Variants in AZI2 observed in about 807,000 individuals in gnomAD.
The protein encoded by AZI2 is 5-azacytidine-induced protein 2.
Under a neutral mutation model 45.8 loss-of-function variants are expected in AZI2, and 22 were observed. That is an observed-to-expected ratio of 0.48 (90% CI 0.34 to 0.69). AZI2 has a LOEUF of 0.69. AZI2 is among the 30% of genes least tolerant of loss of function. The pLI is 0.01. For synonymous variants in AZI2, 137 were observed against 156.7 expected (o/e 0.87, Z 0.94); for missense variants, 417 against 441.5 (o/e 0.94, Z 0.50).
Position 28,329,726 on chromosome 3 carries a change from A to T in AZI2, c.647+2643T>A, listed in dbSNP as rs1455882230. On this transcript the variant is annotated intron_variant, in intron 6 of 7. Coordinates refer to ENST00000479665, the MANE Select transcript of AZI2 (RefSeq NM_022461.5). ...TAGAATTAAACTATGGGATATTCTT[A>T]GCCAAGAGTTATAGACTTAAAAGTG... Among the ~76,000 whole-genome samples the T allele has an allele frequency of 2.0e-5, 3 of 151,282 alleles. No individual in the cohort carries two copies. In the East Asian group the frequency reaches 5.8e-4, roughly 29 times the overall value.
intron 3 of AZI2, 32 bp downstream of exon 3, chr3:28,338,461 A>C (rs763707031): frequency 2.0e-6 from 3 of 1,498,538 alleles, no homozygotes; most frequent in Non-Finnish European, 2.7e-6. Flanking sequence ...CATTTCCAAA[A>C]TGCAGATGTC....
chr3:28,347,910 C>A (rs1234743317), intron 1 of AZI2, among the ~76,000 whole-genome samples: 1 of 152,292 alleles, frequency 6.6e-6, no homozygotes, highest in East Asian at 1.9e-4. Flanking sequence ...ACATAAGGCG[C>A]AAGGGTCAAT....
chr3:28,331,096 A>G (rs965855890), intron 6 of AZI2, among the ~76,000 whole-genome samples: 1 of 151,340 alleles, frequency 6.6e-6, no homozygotes, highest in Non-Finnish European at 1.5e-5. Flanking sequence ...AGAAATTCTT[A>G]GTGGATATGA....
intron 2 of AZI2, among the ~76,000 whole-genome samples, chr3:28,339,751 T>A (rs1219931295): frequency 2.0e-5 from 3 of 152,038 alleles, no homozygotes; most frequent in African/African-American, 7.2e-5. Context: ...GCTGAAAAAA[T>A]ACAAACTAAG....
At chr3:28,347,097 A>G (rs893503811) in intron 1 of AZI2, among the ~76,000 whole-genome samples, 1 of 152,180 alleles carries the variant, frequency 6.6e-6, no homozygotes, top group Non-Finnish European at 1.5e-5. Context: ...AGCATCTACT[A>G]TACATTCAAT....
intron 6 of AZI2, among the ~76,000 whole-genome samples, chr3:28,330,581 CA>C (rs1268802196): frequency 1.3e-5 from 2 of 150,958 alleles, no homozygotes; most frequent in African/African-American, 2.4e-5. Context: ...AAATAGAAAA[CA>C]AAACAAAATG....
intron 6 of AZI2, among the ~76,000 whole-genome samples, chr3:28,330,105 G>A (rs1223703378): frequency 1.3e-5 from 2 of 151,250 alleles, no homozygotes; most frequent in African/African-American, 2.4e-5. Context: ...GAAGTACAGC[G>A]ACTCCCTGTC....
In AZI2 at chr3:28,340,531, A is replaced by C; in HGVS notation, c.87T>G (p.Tyr29Ter). The C allele has an allele frequency of 6.2e-7, 1 of 1,613,134 alleles. No homozygotes were observed. Among genetic ancestry groups the C allele is most frequent in the Non-Finnish European group, 8.5e-7 (1 of 1,179,316 alleles). ...KRDTVTPVSI[Y>*]SGDESVASHF... The stretch of plus-strand genomic sequence containing the variant: ...GGGAAGCAACAGATTCATCTCCTGA[A>C]TATATTGAAACTGGAGTCACTGTAT... Residue 29 changes from tyrosine (Y) to a stop codon, truncating the protein, a stop_gained, in exon 2 of 8, where the codon TAT (tyrosine) becomes TAG (stop). Coordinates refer to ENST00000479665, the MANE Select transcript of AZI2 (RefSeq NM_022461.5). LOFTEE classifies it high-confidence loss of function.
At position 28,336,692 on chromosome 3, in the gene AZI2, T is replaced by C. The variant is rs9855649; in HGVS notation, c.588+45A>G. 1.9e-6 allele frequency: 3 copies of C among 1,566,970 alleles called. No individual in the cohort carries two copies. In the African/African-American group the frequency reaches 4.1e-5, roughly 21 times the overall value. On this transcript the variant is annotated intron_variant, in intron 5 of 7. Transcript: ENST00000479665. ...TCTTAGTTATAAATCCTACATATGA[T>C]ACACAAAAAATACTGAAATTCTCAA...
At chr3:28,335,874 A>C (rs528227738) in intron 5 of AZI2, among the ~76,000 whole-genome samples, 16 of 152,154 alleles carry the variant, frequency 1.1e-4, no homozygotes, top group Admixed American at 9.8e-4. Context: ...TGAGTGGAGA[A>C]ACATTATATA....
In AZI2 at chr3:28,336,783, T is replaced by G; in HGVS notation, c.542A>C (p.Lys181Thr). ...TTCTATTTTGAGATCGCTACATTCT[T>G]TCCTCATCAGTTCCAGCTCTTGTTC... ...GLEQELELMR[K>T]ECSDLKIELQ... The change falls in exon 5 of 8, where the codon AAA becomes ACA. Residue 181 changes from lysine to threonine, a missense_variant. Transcript: ENST00000479665. 1 of 1,613,518 alleles carries G rather than the reference T, an allele frequency of 6.2e-7. No individual in the cohort carries two copies. Among genetic ancestry groups the G allele is most frequent in the Non-Finnish European group, 8.5e-7 (1 of 1,179,676 alleles).
chr3:28,345,798 G>A (rs1319430257), intron 1 of AZI2, among the ~76,000 whole-genome samples: 6 of 151,890 alleles, frequency 4.0e-5, no homozygotes, highest in Admixed American at 3.9e-4. Context: ...TCAAAGTTTG[G>A]GATACTAGAA....
At position 28,336,742 on chromosome 3, in the gene AZI2, G is replaced by C. The variant is rs778060510; in HGVS notation, c.583C>G (p.Gln195Glu). The C allele has an allele frequency of 6.2e-7, 1 of 1,612,188 alleles. No homozygotes were observed. Among genetic ancestry groups the C allele is most frequent in the Non-Finnish European group, 8.5e-7 (1 of 1,178,968 alleles). The change falls in exon 5 of 8, where the codon CAA (glutamine) becomes GAA (glutamate). Residue 195 changes from glutamine (Q) to glutamate (E), a missense_variant. Transcript: ENST00000479665. ...ATTTAATAATTCTGTAATACCGTTT[G>C]TTTGGCTTTCTGTAGTTCTATTTTG... ...DLKIELQKAK[Q>E]TDPYQEDNLK... is the part of the protein sequence containing the mutation.
chr3:28,333,772 A>G (rs1216938910), intron 5 of AZI2, among the ~76,000 whole-genome samples: 2 of 151,622 alleles, frequency 1.3e-5, no homozygotes, highest in Non-Finnish European at 2.9e-5. Flanking sequence ...AACTAGTGCC[A>G]CATGATGTGG....
intron 1 of AZI2, chr3:28,341,648 C>A (rs1445176935): frequency 6.6e-6 from 1 of 151,890 alleles, no homozygotes; most frequent in East Asian, 1.9e-4. Flanking sequence ...TTAAGACCTC[C>A]TGGGAAAAAC....
chr3:28,325,316 G>T (rs1200715423), intron 7 of AZI2, among the ~76,000 whole-genome samples: 6 of 151,170 alleles, frequency 4.0e-5, no homozygotes, highest in African/African-American at 1.4e-4. Flanking sequence ...ATGGCCAAGT[G>T]TAACTAAGGC....
At chr3:28,347,207 T>C (rs1704277568) in intron 1 of AZI2, among the ~76,000 whole-genome samples, 2 of 152,228 alleles carry the variant, frequency 1.3e-5, no homozygotes, top group Non-Finnish European at 2.9e-5. Flanking sequence ...TTGGTTCTAT[T>C]ACTTCATGGA....
At chr3:28,334,524 C>G (rs1201364928) in intron 5 of AZI2, among the ~76,000 whole-genome samples, 1 of 151,860 alleles carries the variant, frequency 6.6e-6, no homozygotes, top group Non-Finnish European at 1.5e-5. Flanking sequence ...TAATAAATGC[C>G]TGTGAAGGTG....
chr3:28,329,774 C>A (rs935560527), intron 6 of AZI2, among the ~76,000 whole-genome samples: 1 of 151,074 alleles, frequency 6.6e-6, no homozygotes, highest in African/African-American at 2.4e-5. Flanking sequence ...ACTGCGGTTC[C>A]CCCCAAACAA....
Sources: allele counts gnomAD v4.1 joint callset (sites outside exome capture counted in the v4.1 genomes callset), GRCh38; gene constraint gnomAD v4.1.1; transcripts MANE v1.5; gene names NCBI Gene and HGNC (gene_info 2026-07-23, HGNC 2026-07-21).